The following PIAS2 variants were observed in gnomAD, a reference collection of about 807,000 sequenced individuals.
PIAS2 encodes the protein protein inhibitor of activated STAT 2.
Under a neutral mutation model 69.7 loss-of-function variants are expected in PIAS2, and 19 were observed. That is an observed-to-expected ratio of 0.27 (90% confidence interval 0.19 to 0.40). The LOEUF is 0.40. Ranked by LOEUF, PIAS2 falls within the 10% of genes least tolerant of loss-of-function variation. The pLI, the probability that PIAS2 is intolerant of heterozygous loss-of-function variation, is 1.00. For synonymous variants in PIAS2, 261 were observed against 263.2 expected, an observed-to-expected ratio of 0.99 and a Z score of 0.08; for missense variants, 624 against 757.0, an observed-to-expected ratio of 0.82 and a Z score of 2.06.
intron 3 of PIAS2, among the ~76,000 whole-genome samples, chr18:46,859,950 T>C (rs1170322215): frequency 6.6e-6 from 1 of 152,198 alleles, no homozygotes; most frequent in Admixed American, 6.5e-5. Flanking sequence ...GTTAAAAATA[T>C]ACTAGTACCA....
chr18:46,867,017 CAT>C (rs1309039441), intron 2 of PIAS2, among the ~76,000 whole-genome samples: 1 of 152,150 alleles, frequency 6.6e-6, no homozygotes, highest in African/African-American at 2.4e-5. Context: ...AGAATGGTTC[CAT>C]AGTCATGTTG....
intron 1 of PIAS2, among the ~76,000 whole-genome samples, chr18:46,899,705 GATGCT>G (rs1408949853): frequency 6.6e-6 from 1 of 152,186 alleles, no homozygotes; most frequent in Admixed American, 6.5e-5. Flanking sequence ...GGGCTCAAGT[GATGCT>G]CCTGCCTTGG....
intron 2 of PIAS2, among the ~76,000 whole-genome samples, chr18:46,877,584 G>T (rs192868208): frequency 1.8e-4 from 27 of 152,190 alleles, no homozygotes; most frequent in African/African-American, 6.5e-4. Context: ...GTCTTGTACC[G>T]TAACAAACAG....
intron 11 of PIAS2, chr18:46,827,134 T>G (rs2042943176): frequency 6.6e-6 from 1 of 152,140 alleles, no homozygotes; most frequent in African/African-American, 2.4e-5. Context: ...TATAACTCAG[T>G]AAAGCCATTA....
At chr18:46,892,340 T>C (rs566699527) in intron 1 of PIAS2, among the ~76,000 whole-genome samples, 4 of 152,320 alleles carry the variant, frequency 2.6e-5, no homozygotes, top group Admixed American at 2.6e-4. Flanking sequence ...GTGTACTATA[T>C]ATGTCTCTAT....
intron 9 of PIAS2, among the ~76,000 whole-genome samples, chr18:46,835,812 G>A (rs1813587196): frequency 6.6e-6 from 1 of 152,048 alleles, no homozygotes; most frequent in Admixed American, 6.6e-5. Flanking sequence ...ATGGTACATG[G>A]ATGACGTGCA....
At position 46,807,355 on chromosome 18, in the gene PIAS2, TTATATATATATATATA is replaced by T. The variant is rs1289254598; in HGVS notation, c.*5062_*5077del. The stretch of plus-strand genomic sequence containing the variant: ...AGGTGTTTCTGAAACATGTCAGATT[TTATATATATATATATA>T]TATATATATATATTTTTTTTTTTTT... On this transcript the variant is annotated 3_prime_UTR_variant, in exon 14 of 14. Transcript: ENST00000585916. 3.0e-4 allele frequency: 9 copies of T among 29,970 alleles called. 1 individual carries two copies. The highest frequency in any genetic ancestry group is 1.5e-3 in the African/African-American group (7 of 4,782). 1.9% of individuals were successfully genotyped at this position (29,970 alleles called of 1,614,324 possible). A position where few individuals can be genotyped will look rare whatever the true frequency, so the allele number is the denominator to read the frequency against.
rs530227612 is a variant in PIAS2 at position 46,917,136 on chromosome 18, C to A, written c.24+186G>T. 7.3e-5 allele frequency: 74 copies of A among 1,015,636 alleles called. No homozygotes were observed. The East Asian group carries it at 6.1e-3, about 84-fold the overall frequency. The allele number at this position is 1,015,636 out of a possible 1,614,324, so 62.9% of individuals were successfully genotyped here. ...CCAGGCCCGCCGCCCCCGCGCCGCCCGCGTGCCCTCCGCCGGCCCGCTCCC... is the reference window on the plus strand; with the variant it reads ...CCAGGCCCGCCGCCCCCGCGCCGCCAGCGTGCCCTCCGCCGGCCCGCTCCC... On this transcript the variant is annotated intron_variant, in intron 1 of 13. Coordinates refer to ENST00000585916, the MANE Select transcript of PIAS2 (RefSeq NM_004671.5).
At chr18:46,845,035 G>C (rs1427441202) in intron 6 of PIAS2, 196 bp from the exon 7 acceptor site, 1 of 360,294 alleles carries the variant, frequency 2.8e-6, no homozygotes, top group Admixed American at 4.7e-5. Flanking sequence ...CATTTTAAAG[G>C]TATTTCTTGA....
At chr18:46,829,313 G>A (rs1480434128) in intron 10 of PIAS2, among the ~76,000 whole-genome samples, 1 of 152,088 alleles carries the variant, frequency 6.6e-6, no homozygotes, top group Non-Finnish European at 1.5e-5. Context: ...TACTTTCTGA[G>A]CAACTAACCT....
intron 1 of PIAS2, among the ~76,000 whole-genome samples, chr18:46,892,997 G>A (rs2054294340): frequency 6.6e-6 from 1 of 152,164 alleles, no homozygotes; most frequent in African/African-American, 2.4e-5. Flanking sequence ...GTGCTTAAGA[G>A]CCACATGTGG....
rs554050407 is a variant in PIAS2, at chr18:46,900,837, G to A, written c.25-9783C>T. 3.6e-4 allele frequency among the ~76,000 whole-genome samples: 54 copies of A among 152,072 alleles called. No individual in the cohort carries two copies. The South Asian group carries it at 7.7e-3, about 22-fold the overall frequency. On this transcript the variant is annotated intron_variant, in intron 1 of 13. Transcript: ENST00000585916. ...AAAAATACAAAAATTAGCTGGGCCCGGTGGCAGGCGCCTATAATCCCAGCT... is the reference window on the plus strand; with the variant it reads ...AAAAATACAAAAATTAGCTGGGCCCAGTGGCAGGCGCCTATAATCCCAGCT...
upstream of PIAS2, chr18:46,920,042 G>A: frequency 2.3e-6 from 3 of 1,287,988 alleles, no homozygotes; most frequent in African/African-American, 1.5e-5. Flanking sequence ...GAAAAGCAAA[G>A]CCCCACTGAA....
intron 9 of PIAS2, among the ~76,000 whole-genome samples, chr18:46,834,163 G>C (rs561728945): frequency 3.3e-5 from 5 of 152,016 alleles, no homozygotes; most frequent in African/African-American, 1.2e-4. Flanking sequence ...CTGCACAACT[G>C]GAAAAAGGAA....
intron 2 of PIAS2, among the ~76,000 whole-genome samples, chr18:46,874,261 G>A (rs1022723317): frequency 5.3e-5 from 8 of 152,142 alleles, no homozygotes; most frequent in South Asian, 2.1e-4. Context: ...CCAATAGGTC[G>A]CCTAAAGTAT....
chr18:46,813,872 A>G (rs2041232318), intron 13 of PIAS2, among the ~76,000 whole-genome samples: 2 of 152,172 alleles, frequency 1.3e-5, no homozygotes, highest in African/African-American at 4.8e-5. Context: ...ACAGTTCTTA[A>G]AGAGCTTCCA....
rs1598901732 is a variant in PIAS2 at position 46,892,947 on chromosome 18, C to T, written c.25-1893G>A. Among the ~76,000 whole-genome samples, 3 of 151,890 alleles carry T rather than the reference C, an allele frequency of 2.0e-5. 1 individual carries two copies. The South Asian group carries it at 6.2e-4, about 32-fold the overall frequency. On this transcript the variant is annotated intron_variant, in intron 1 of 13. Transcript: ENST00000585916. ...TCTTCAATATCTGGTGTATATTTTA[C>T]ACTTACAATACATCTAAATTTGGAC...
In PIAS2 at chr18:46,811,813, A is replaced by G. The variant is rs1269053583; in HGVS notation, c.*620T>C. The G allele has an allele frequency of 6.6e-6, 1 of 152,224 alleles. No individual in the cohort carries two copies. Among genetic ancestry groups the G allele is most frequent in the Non-Finnish European group, 1.5e-5 (1 of 68,048 alleles). The allele number at this position is 152,224 out of a possible 1,614,324, so 9.4% of individuals were successfully genotyped here. A position where few individuals can be genotyped will look rare whatever the true frequency, so the allele number is the denominator to read the frequency against. ...CGTCAAAGTGTAAATGATAAGCAGGAAAAAAACCAAGTAACACGAATGCCA... is the reference window on the plus strand; with the variant it reads ...CGTCAAAGTGTAAATGATAAGCAGGGAAAAAACCAAGTAACACGAATGCCA... On this transcript the variant is annotated 3_prime_UTR_variant, in exon 14 of 14. Coordinates refer to ENST00000585916, the MANE Select transcript of PIAS2 (RefSeq NM_004671.5).
At chr18:46,818,605 C>A (rs1453738369) in intron 12 of PIAS2, among the ~76,000 whole-genome samples, 1 of 151,834 alleles carries the variant, frequency 6.6e-6, no homozygotes, top group East Asian at 1.9e-4. Context: ...TGACTAACTA[C>A]ATAAAAATTA....
Sources: gnomAD v4.1 joint callset for allele counts (sites outside exome capture counted in the v4.1 genomes callset) on GRCh38, gnomAD v4.1.1 for gene constraint, MANE v1.5 for transcripts, NCBI Gene and HGNC (gene_info 2026-07-23, HGNC 2026-07-21) for gene names.